The following XXYLT1 variants were observed in gnomAD, a reference collection of about 807,000 sequenced individuals.
XXYLT1 encodes the protein UDP-xylose:alpha-xyloside alpha-1,3-xylosyltransferase.
A neutral mutation model predicts 28.9 loss-of-function variants in XXYLT1; 20 were observed. The observed-to-expected ratio is 0.69, with a 90% CI of 0.49 to 1.00. XXYLT1 has a LOEUF of 1.00. Ranked by LOEUF, XXYLT1 falls within the 50% of genes least tolerant of loss-of-function variation. The pLI is 0.00. For missense variants in XXYLT1, 542 were observed against 560.1 expected (o/e 0.97, Z 0.33); for synonymous variants, 257 against 253.8 (o/e 1.01, Z -0.12).
intron 3 of XXYLT1, among the ~76,000 whole-genome samples, chr3:195,116,794 C>A (rs188111657): frequency 2.4e-4 from 36 of 152,280 alleles, no homozygotes; most frequent in Non-Finnish European, 4.3e-4. Context: ...GCCTGCCTGA[C>A]CCAGAAAGCC....
At chr3:195,169,441 G>A (rs896698044) in intron 2 of XXYLT1, among the ~76,000 whole-genome samples, 3 of 152,232 alleles carry the variant, frequency 2.0e-5, no homozygotes, top group African/African-American at 7.2e-5. Flanking sequence ...ACACAAAGGT[G>A]TGCGTACAGG....
intron 2 of XXYLT1, chr3:195,214,872 T>G (rs1276227535): frequency 1.3e-5 from 2 of 152,194 alleles, no homozygotes; most frequent in African/African-American, 4.8e-5. Context: ...ACATGCAAAT[T>G]CGTGAAGCGT....
At chr3:195,208,120 G>A (rs1560152535) in intron 2 of XXYLT1, among the ~76,000 whole-genome samples, 1 of 152,226 alleles carries the variant, frequency 6.6e-6, no homozygotes, top group Non-Finnish European at 1.5e-5. Flanking sequence ...ACTCCTAGGA[G>A]GCAGGGATGA....
At chr3:195,085,464 C>CT (rs763137089) in intron 3 of XXYLT1, among the ~76,000 whole-genome samples, 4 of 152,250 alleles carry the variant, frequency 2.6e-5, no homozygotes, top group Non-Finnish European at 4.4e-5. Context: ...ATCCCCATGT[C>CT]TAAGCATGCC....
intron 3 of XXYLT1, among the ~76,000 whole-genome samples, chr3:195,114,468 G>T (rs1717941260): frequency 6.6e-6 from 1 of 152,176 alleles, no homozygotes; most frequent in Non-Finnish European, 1.5e-5. Flanking sequence ...ACGGTCCTGT[G>T]CCTGGGTCCC....
At chr3:195,108,076 A>C (rs577400740) in intron 3 of XXYLT1, among the ~76,000 whole-genome samples, 1 of 152,212 alleles carries the variant, frequency 6.6e-6, no homozygotes, top group South Asian at 2.1e-4. Flanking sequence ...ACCACTCCCC[A>C]TAGGGGGGTC....
chr3:195,069,872 G>C lies in XXYLT1; in HGVS notation c.1025C>G (p.Pro342Arg), dbSNP rs199593762. 531 of 1,614,004 alleles carry C rather than the reference G, an allele frequency of 3.3e-4. No homozygotes were observed. The highest frequency in any genetic ancestry group is 4.2e-4 in the Admixed American group (25 of 60,014). ...DFFTMIGMEH[P>R]KLFHVLDCTW... is the part of the protein sequence containing the mutation. ...ACAGTCCAGCACATGGAAGAGCTTG[G>C]GGTGCTCCATGCCGATCATGGTGAA... Residue 342 changes from proline to arginine, a missense_variant, in exon 4 of 4, where the codon CCC becomes CGC. Pro to Arg is a moderately radical substitution (Grantham distance 103). Coordinates refer to ENST00000310380, the MANE Select transcript of XXYLT1 (RefSeq NM_152531.5).
chr3:195,206,592 A>G (rs1723080966), intron 2 of XXYLT1, among the ~76,000 whole-genome samples: 1 of 151,868 alleles, frequency 6.6e-6, no homozygotes, highest in Admixed American at 6.6e-5. Flanking sequence ...AACATGGTGA[A>G]ACCCCATCTC....
chr3:195,218,813 G>A (rs199875983), intron 2 of XXYLT1, among the ~76,000 whole-genome samples: 7,768 of 151,058 alleles, frequency 0.051, 487 homozygotes, highest in African/African-American at 0.17. Context: ...TCCCATTACT[G>A]GGTATATACC....
intron 3 of XXYLT1, among the ~76,000 whole-genome samples, chr3:195,122,382 A>G (rs1303761616): frequency 1.3e-5 from 2 of 152,208 alleles, no homozygotes; most frequent in African/African-American, 4.8e-5. Context: ...CTCCAGACGA[A>G]GGTGGAACAC....
At chr3:195,232,656 C>T (rs1185326062) in intron 1 of XXYLT1, among the ~76,000 whole-genome samples, 1 of 152,164 alleles carries the variant, frequency 6.6e-6, no homozygotes, top group East Asian at 1.9e-4. Flanking sequence ...CATTCAGAGG[C>T]ATATTGTTCA....
chr3:195,185,266 T>C (rs1722143915), intron 2 of XXYLT1, among the ~76,000 whole-genome samples: 1 of 152,114 alleles, frequency 6.6e-6, no homozygotes, highest in Admixed American at 6.6e-5. Flanking sequence ...CTCAGTGTCT[T>C]AGAACTTAGA....
chr3:195,207,773 G>A (rs370480827), intron 2 of XXYLT1, among the ~76,000 whole-genome samples: 1 of 152,126 alleles, frequency 6.6e-6, no homozygotes, highest in Admixed American at 6.5e-5. Flanking sequence ...TCTGGCCCAC[G>A]GGCTGCAATC....
intron 1 of XXYLT1, among the ~76,000 whole-genome samples, chr3:195,242,465 T>C (rs544503982): frequency 3.7e-4 from 56 of 152,242 alleles, no homozygotes; most frequent in Admixed American, 2.4e-3. Flanking sequence ...TTCTTGGTCT[T>C]GCGCCAACAG....
In XXYLT1 at chr3:195,245,022, C is replaced by T. The variant is rs535153794; in HGVS notation, c.505-18166G>A. ...TCTCTACTAAAAATACAAAATTAGC[C>T]GGGGGTGGTGGCACGTGCCTGTAAT... On this transcript the variant is annotated intron_variant, in intron 1 of 3. Coordinates refer to ENST00000310380, the MANE Select transcript of XXYLT1 (RefSeq NM_152531.5). 5.3e-5 allele frequency among the ~76,000 whole-genome samples: 8 copies of T among 150,648 alleles called. No individual in the cohort carries two copies. The South Asian group carries it at 1.3e-3, about 24-fold the overall frequency.
intron 2 of XXYLT1, among the ~76,000 whole-genome samples, chr3:195,158,455 C>T (rs890131122): frequency 4.6e-5 from 7 of 152,190 alleles, no homozygotes; most frequent in East Asian, 3.9e-4. Flanking sequence ...ACTTCCCCTG[C>T]GCTTTAGGGA....
rs952920203 is a variant in XXYLT1, at chr3:195,145,723, G to A, written c.785+10726C>T. ...AGAATCCACCAGCCTCATAATGAGC[G>A]CTCGTCTACAGACGCAAGGACACCG... On this transcript the variant is annotated intron_variant, in intron 3 of 3. Transcript: ENST00000310380. Among the ~76,000 whole-genome samples, 4 of 152,214 alleles carry A rather than the reference G, an allele frequency of 2.6e-5. No homozygotes were observed. The East Asian group carries it at 5.8e-4, about 22-fold the overall frequency.
chr3:195,084,534 C>T lies in XXYLT1; in HGVS notation c.786-14423G>A, dbSNP rs545579298. ...CCTTTCCCACCAGCGAGATGGCAGC[C>T]TCAGTGTAATGTATTTCATGCAACC... On this transcript the variant is annotated intron_variant, in intron 3 of 3. Transcript: ENST00000310380. 4.6e-5 allele frequency among the ~76,000 whole-genome samples: 7 copies of T among 152,342 alleles called. No homozygotes were observed. The East Asian group carries it at 1.4e-3, about 29-fold the overall frequency.
At chr3:195,177,488 G>A (rs530474178) in intron 2 of XXYLT1, among the ~76,000 whole-genome samples, 1 of 152,200 alleles carries the variant, frequency 6.6e-6, no homozygotes, top group African/African-American at 2.4e-5. Context: ...AAGGGCAGAA[G>A]AATCAGTCTC....
Sources: allele counts gnomAD v4.1 joint callset (sites outside exome capture counted in the v4.1 genomes callset), GRCh38; gene constraint gnomAD v4.1.1; transcripts MANE v1.5; gene names NCBI Gene and HGNC (gene_info 2026-07-23, HGNC 2026-07-21).